The following STARD13 variants were observed in gnomAD, a reference collection of about 807,000 sequenced individuals.
STARD13 encodes the protein StAR related lipid transfer domain containing 13.
STARD13 carries 62 observed loss-of-function variants against 106.4 expected under a neutral mutation model. That is an observed-to-expected ratio of 0.58 (90% CI 0.48 to 0.72). STARD13 has a LOEUF of 0.72. Among genes scored for constraint, STARD13 ranks in the 30% least tolerant of loss-of-function variants. The pLI, the probability that STARD13 is intolerant of heterozygous loss-of-function variation, is 0.00. For synonymous variants in STARD13, 565 were observed against 553.0 expected, an observed-to-expected ratio of 1.02 and a Z score of -0.31; for missense variants, 1,387 against 1,424.0, an observed-to-expected ratio of 0.97 and a Z score of 0.42.
the STARD13 span, among the ~76,000 whole-genome samples, chr13:33,376,690 T>G: frequency 6.6e-6 from 1 of 151,802 alleles, no homozygotes. Flanking sequence ...CGGATTTTTA[T>G]GGAAGGATGA....
At chr13:33,507,308 T>C in the STARD13 span, among the ~76,000 whole-genome samples, 1 of 152,162 alleles carries the variant, frequency 6.6e-6, no homozygotes, top group African/African-American at 2.4e-5. Context: ...AAAACTCTTC[T>C]CAATAATTCT....
the STARD13 span, among the ~76,000 whole-genome samples, chr13:33,646,494 C>T: frequency 6.6e-6 from 1 of 152,218 alleles, no homozygotes; most frequent in Admixed American, 6.5e-5. Flanking sequence ...TGGCTGTCGG[C>T]TGCTCAGCAC....
the STARD13 span, among the ~76,000 whole-genome samples, chr13:33,528,621 T>C: frequency 1.3e-5 from 2 of 152,088 alleles, no homozygotes; most frequent in Admixed American, 1.3e-4. Context: ...ATGTTTCTAA[T>C]CTCAGATCTT....
chr13:33,393,771 C>T, the STARD13 span, among the ~76,000 whole-genome samples: 2 of 152,144 alleles, frequency 1.3e-5, no homozygotes, highest in African/African-American at 4.8e-5. Flanking sequence ...AGTTGTGAAA[C>T]TCAGATTAAA....
At chr13:33,270,244 CA>C (rs920504625) in intron 1 of STARD13, among the ~76,000 whole-genome samples, 5 of 151,920 alleles carry the variant, frequency 3.3e-5, no homozygotes, top group African/African-American at 9.7e-5. Context: ...TAAAACAAAA[CA>C]AAAAAACAAA....
chr13:33,329,452 C>A (rs2077812241), intron 1 of STARD13, among the ~76,000 whole-genome samples: 1 of 152,106 alleles, frequency 6.6e-6, no homozygotes, highest in Non-Finnish European at 1.5e-5. Context: ...CTTCCCCGCT[C>A]CAGGCAACCA....
intron 3 of STARD13, chr13:33,158,912 C>G (rs1284338448): frequency 6.6e-6 from 1 of 152,252 alleles, no homozygotes; most frequent in African/African-American, 2.4e-5. Flanking sequence ...TTTGATCCAC[C>G]CCGGGTATGA....
At chr13:33,501,726 C>G in the STARD13 span, among the ~76,000 whole-genome samples, 11 of 152,172 alleles carry the variant, frequency 7.2e-5, no homozygotes, top group African/African-American at 2.7e-4. Context: ...GGGCTCTGTT[C>G]TGTTCCATTG....
the STARD13 span, among the ~76,000 whole-genome samples, chr13:33,525,056 C>T: frequency 2.0e-5 from 3 of 151,924 alleles, no homozygotes; most frequent in Non-Finnish European, 2.9e-5. Flanking sequence ...GGGTCTCGCT[C>T]TGTCACCCAG....
At chr13:33,413,180 G>A in the STARD13 span, among the ~76,000 whole-genome samples, 116 of 152,154 alleles carry the variant, frequency 7.6e-4, no homozygotes, top group African/African-American at 2.7e-3. Context: ...TGGCTCAAGG[G>A]GAAGGCTCAG....
chr13:33,169,165 C>A (rs1401281160), intron 1 of STARD13, among the ~76,000 whole-genome samples: 1 of 152,220 alleles, frequency 6.6e-6, no homozygotes, highest in Non-Finnish European at 1.5e-5. Flanking sequence ...GAAAGAAAAG[C>A]TATTGAAAGC....
the STARD13 span, among the ~76,000 whole-genome samples, chr13:33,629,887 G>A: frequency 6.6e-6 from 1 of 151,716 alleles, no homozygotes; most frequent in African/African-American, 2.4e-5. Flanking sequence ...TTCTAATGTG[G>A]CAAAAATCTC....
At chr13:33,506,901 C>G in the STARD13 span, among the ~76,000 whole-genome samples, 4 of 152,064 alleles carry the variant, frequency 2.6e-5, no homozygotes, top group Non-Finnish European at 1.5e-5. Context: ...CCCTTGAACC[C>G]AGGAGTTTCA....
intron 3 of STARD13, among the ~76,000 whole-genome samples, chr13:33,163,684 C>CAT (rs71196508): frequency 3.8e-4 from 18 of 47,540 alleles, no homozygotes; most frequent in East Asian, 3.6e-3. Flanking sequence ...ATATATAAAA[C>CAT]ATATATATAT....
intron 4 of STARD13, among the ~76,000 whole-genome samples, chr13:33,132,818 GA>G (rs1414856629): frequency 6.6e-6 from 1 of 152,210 alleles, no homozygotes; most frequent in South Asian, 2.1e-4. Flanking sequence ...TGTACAAGTG[GA>G]AAAAGGGCAA....
At chr13:33,425,651 C>A in the STARD13 span, among the ~76,000 whole-genome samples, 1 of 152,188 alleles carries the variant, frequency 6.6e-6, no homozygotes, top group Non-Finnish European at 1.5e-5. Context: ...AAATCTACTG[C>A]CACATTAGTT....
chr13:33,323,433 C>G (rs1395689185), intron 1 of STARD13, among the ~76,000 whole-genome samples: 1 of 152,226 alleles, frequency 6.6e-6, no homozygotes, highest in Non-Finnish European at 1.5e-5. Flanking sequence ...CTCAGCCCTT[C>G]CCACAACTGT....
At chr13:33,400,561 C>T in the STARD13 span, among the ~76,000 whole-genome samples, 1 of 151,846 alleles carries the variant, frequency 6.6e-6, no homozygotes, top group Non-Finnish European at 1.5e-5. Flanking sequence ...CCCAGGTTCA[C>T]GCCATTCTCC....
the STARD13 span, among the ~76,000 whole-genome samples, chr13:33,504,681 C>T: frequency 9.4e-4 from 143 of 152,084 alleles, 1 homozygote; most frequent in African/African-American, 3.1e-3. Context: ...GTGCAGCACA[C>T]CAACATGGCA....
Sources: allele counts gnomAD v4.1 joint callset (sites outside exome capture counted in the v4.1 genomes callset), GRCh38; gene constraint gnomAD v4.1.1; transcripts MANE v1.5; gene names NCBI Gene and HGNC (gene_info 2026-07-23, HGNC 2026-07-21).